Variants in IMMP2L observed in about 807,000 individuals in gnomAD.
IMMP2L encodes mitochondrial inner membrane protease subunit 2.
IMMP2L carries 18 observed loss-of-function variants against 19.3 expected under a neutral mutation model. The observed-to-expected ratio is 0.93, with a 90% confidence interval of 0.64 to 1.38. IMMP2L has a LOEUF of 1.38. Among genes scored for constraint, IMMP2L ranks in the 40% most tolerant of loss-of-function variants. The pLI, the probability that IMMP2L is intolerant of heterozygous loss-of-function variation, is 0.00. For synonymous variants in IMMP2L, 76 were observed against 73.0 expected (o/e 1.04, Z -0.21); for missense variants, 233 against 218.2 (o/e 1.07, Z -0.43).
In IMMP2L at chr7:111,443,435, C is replaced by G. The variant is rs116672573; in HGVS notation, c.239+43803G>C. Among the ~76,000 whole-genome samples, 4 of 152,138 alleles carry G rather than the reference C, an allele frequency of 2.6e-5. No individual in the cohort carries two copies. In the South Asian group the frequency reaches 8.3e-4, roughly 31 times the overall value. ...GCAGAGGAGGATAAAATCACAGTCA[C>G]TCTTTGACCCAAAATCAACTTAATT... On this transcript the variant is annotated intron_variant, in intron 3 of 5. Transcript: ENST00000405709.
chr7:110,789,292 G>T (rs530883453), intron 5 of IMMP2L, among the ~76,000 whole-genome samples: 17 of 151,822 alleles, frequency 1.1e-4, no homozygotes, highest in African/African-American at 3.6e-4. Flanking sequence ...AAAATAACAT[G>T]GCTGTTTTAT....
chr7:110,761,272 T>C (rs1258820189), intron 5 of IMMP2L, among the ~76,000 whole-genome samples: 1 of 152,126 alleles, frequency 6.6e-6, no homozygotes, highest in Non-Finnish European at 1.5e-5. Flanking sequence ...AACGAAAATA[T>C]AGCCATTCCT....
chr7:111,195,881 CATTTT>C (rs1181064427), intron 3 of IMMP2L, among the ~76,000 whole-genome samples: 4 of 67,262 alleles, frequency 5.9e-5, no homozygotes, highest in Non-Finnish European at 1.1e-4. Context: ...CATTTCATTT[CATTTT>C]ATTTTATTTT....
At chr7:111,442,129 T>C (rs960308306) in intron 3 of IMMP2L, among the ~76,000 whole-genome samples, 3 of 150,848 alleles carry the variant, frequency 2.0e-5, no homozygotes, top group African/African-American at 7.4e-5. Context: ...AGAGCGAGAC[T>C]CCATCTCAAA....
chr7:111,560,728 A>C (rs551658846), intron 1 of IMMP2L, among the ~76,000 whole-genome samples: 1 of 152,322 alleles, frequency 6.6e-6, no homozygotes, highest in African/African-American at 2.4e-5. Context: ...CATCATTCTC[A>C]CCATCCTACT....
chr7:110,698,911 G>C (rs544892904), intron 5 of IMMP2L, among the ~76,000 whole-genome samples: 3 of 152,104 alleles, frequency 2.0e-5, no homozygotes, highest in Non-Finnish European at 4.4e-5. Flanking sequence ...GAAATATTTT[G>C]AATTCTTATT....
At chr7:110,691,185 C>T (rs1193169454) in intron 5 of IMMP2L, among the ~76,000 whole-genome samples, 2 of 152,032 alleles carry the variant, frequency 1.3e-5, no homozygotes, top group African/African-American at 4.8e-5. Flanking sequence ...TCAAACTGGT[C>T]CTTGACAAAG....
At chr7:111,423,011 G>A (rs187359240) in intron 3 of IMMP2L, among the ~76,000 whole-genome samples, 25 of 151,938 alleles carry the variant, frequency 1.6e-4, no homozygotes, top group African/African-American at 5.1e-4. Flanking sequence ...TTTAAGTGAT[G>A]GATTACGTTT....
intron 2 of IMMP2L, among the ~76,000 whole-genome samples, chr7:111,489,609 C>T (rs1186380963): frequency 6.6e-6 from 1 of 152,132 alleles, no homozygotes. Flanking sequence ...GGATTATTTG[C>T]AGATTTTCTA....
intron 3 of IMMP2L, among the ~76,000 whole-genome samples, chr7:111,158,291 T>C (rs956611975): frequency 6.6e-6 from 1 of 152,090 alleles, no homozygotes; most frequent in African/African-American, 2.4e-5. Context: ...TAGATAGATA[T>C]AGATACACAT....
At chr7:111,442,008 G>A (rs6972448) in intron 3 of IMMP2L, among the ~76,000 whole-genome samples, 20,798 of 151,438 alleles carry the variant, frequency 0.14, 2,846 homozygotes, top group African/African-American at 0.33. Context: ...GTGGTGGTGC[G>A]TGCCTGTTAT....
At chr7:111,361,559 A>G (rs1034810985) in intron 3 of IMMP2L, among the ~76,000 whole-genome samples, 15 of 152,182 alleles carry the variant, frequency 9.9e-5, no homozygotes, top group Non-Finnish European at 1.3e-4. Context: ...GCCAAATTAT[A>G]TCTGTCTTGT....
At chr7:110,675,631 A>G (rs2130385317) in intron 5 of IMMP2L, among the ~76,000 whole-genome samples, 1 of 152,346 alleles carries the variant, frequency 6.6e-6, no homozygotes, top group Admixed American at 6.5e-5. Flanking sequence ...TAGGTCAGCA[A>G]TGACCAATAC....
chr7:111,178,432 G>T (rs1586704825), intron 3 of IMMP2L, among the ~76,000 whole-genome samples: 1 of 152,112 alleles, frequency 6.6e-6, no homozygotes, highest in East Asian at 1.9e-4. Flanking sequence ...TGGGGTAGCT[G>T]TAACAATTTT....
At position 111,047,185 on chromosome 7, in the gene IMMP2L, T is replaced by G. The variant is rs12705752; in HGVS notation, c.240-83620A>C. 7.1e-3 allele frequency among the ~76,000 whole-genome samples: 393 copies of G among 55,302 alleles called. 3 individuals are homozygous for G. Among genetic ancestry groups the G allele is most frequent in the Admixed American group, 8.0e-3 (41 of 5,146 alleles). The allele number at this position is 55,302 out of a possible 152,430, so 36.3% of individuals were successfully genotyped here. Reference sequence around the variant, plus strand: ...CAAAATGTCTTTTTTGTTTTTTTTTTGTTTTTTTTTTGTTTTTTTTGAGAC... The same window carrying G: ...CAAAATGTCTTTTTTGTTTTTTTTTGGTTTTTTTTTTGTTTTTTTTGAGAC... On this transcript the variant is annotated intron_variant, in intron 3 of 5. Transcript: ENST00000405709.
At chr7:110,873,024 T>C (rs187051403) in intron 5 of IMMP2L, among the ~76,000 whole-genome samples, 5 of 152,318 alleles carry the variant, frequency 3.3e-5, no homozygotes, top group Non-Finnish European at 7.4e-5. Context: ...CTTGTGATAT[T>C]TGGGGGGAGC....
At chr7:111,309,798 T>C (rs1442231683) in intron 3 of IMMP2L, among the ~76,000 whole-genome samples, 1 of 152,150 alleles carries the variant, frequency 6.6e-6, no homozygotes, top group Non-Finnish European at 1.5e-5. Context: ...AACTCCAAAA[T>C]TATAGTACCT....
chr7:111,038,737 A>T (rs1041443914), intron 3 of IMMP2L, among the ~76,000 whole-genome samples: 1 of 152,204 alleles, frequency 6.6e-6, no homozygotes, highest in Non-Finnish European at 1.5e-5. Flanking sequence ...AATATTTTTC[A>T]AGCCAATTTT....
intron 1 of IMMP2L, among the ~76,000 whole-genome samples, chr7:111,550,748 C>A (rs1302325955): frequency 4.6e-5 from 7 of 152,164 alleles, no homozygotes; most frequent in Admixed American, 1.3e-4. Flanking sequence ...ACCTTCTGCA[C>A]AGCTCTTATT....
Sources: gnomAD v4.1 joint callset for allele counts (sites outside exome capture counted in the v4.1 genomes callset) on GRCh38, gnomAD v4.1.1 for gene constraint, MANE v1.5 for transcripts, NCBI Gene and HGNC (gene_info 2026-07-23, HGNC 2026-07-21) for gene names.